ANKRD27: variants seen among roughly 807,000 people sequenced by gnomAD.
The protein encoded by ANKRD27 is ankyrin repeat domain-containing protein 27.
ANKRD27 carries 112 observed loss-of-function variants against 129.7 expected under a neutral mutation model. The observed-to-expected ratio is 0.86, with a 90% CI of 0.74 to 1.01. ANKRD27 has a LOEUF of 1.01. ANKRD27 is among the 50% of genes least tolerant of loss of function. The pLI is 0.00. For synonymous variants in ANKRD27, 516 were observed against 511.2 expected, an observed-to-expected ratio of 1.01 and a Z score of -0.13; for missense variants, 1,258 against 1,300.5, an observed-to-expected ratio of 0.97 and a Z score of 0.50.
In ANKRD27 at chr19:32,597,811, A is replaced by T; in HGVS notation, c.*334T>A. ...AGGTTTAGCACCTTTTGGGAGGAGG[A>T]GGTCAGAATGCGGTGGTGAAACCTC... On this transcript the variant is annotated 3_prime_UTR_variant, in exon 29 of 29. Transcript: ENST00000306065. The T allele has an allele frequency of 2.9e-6, 1 of 349,964 alleles. No homozygotes were observed. The highest frequency in any genetic ancestry group is 5.4e-6 in the Non-Finnish European group (1 of 184,344). The allele number at this position is 349,964 out of a possible 1,614,324, so 21.7% of individuals were successfully genotyped here.
chr19:32,643,148 C>T lies in ANKRD27; in HGVS notation c.757G>A (p.Asp253Asn). 6.2e-7 allele frequency: 1 copy of T among 1,613,928 alleles called. No homozygotes were observed. The highest frequency in any genetic ancestry group is 1.1e-5 in the South Asian group (1 of 91,072). Residue 253 changes from aspartate to asparagine, a missense_variant, in exon 9 of 29, where the codon GAT becomes AAT. By Grantham distance (23) the Asp-to-Asn change is conservative. Transcript: ENST00000306065. ...CTGAACTCCGGTTTCACACCAATAT[C>T]TTTCTGCTGAAGATCTTGAAGGCTT... is the stretch of plus-strand genomic sequence containing the variant. Reference protein sequence around the residue: ...TRSLQDLQQKDIGVKPEFSFN... With the variant: ...TRSLQDLQQKNIGVKPEFSFN...
chr19:32,658,871 ACCATT>A (rs1454775890), intron 2 of ANKRD27, 38 bp downstream of exon 2: 7 of 1,483,332 alleles, frequency 4.7e-6, no homozygotes, highest in Non-Finnish European at 5.7e-6. Context: ...CGTCTCTGGA[ACCATT>A]CATGCCTCAG....
chr19:32,659,279 C>T (rs1233749534), intron 1 of ANKRD27, among the ~76,000 whole-genome samples: 1 of 151,826 alleles, frequency 6.6e-6, no homozygotes, highest in Non-Finnish European at 1.5e-5. Context: ...CAGGGTTTTG[C>T]CATGTTGGCC....
intron 25 of ANKRD27, among the ~76,000 whole-genome samples, chr19:32,602,535 G>T (rs1971669151): frequency 6.6e-6 from 1 of 152,128 alleles, no homozygotes; most frequent in South Asian, 2.1e-4. Flanking sequence ...GAGGTGGGAG[G>T]ATTGCTTGAG....
At chr19:32,614,375 T>TTC (rs1449875308) in intron 22 of ANKRD27, among the ~76,000 whole-genome samples, 2 of 152,248 alleles carry the variant, frequency 1.3e-5, no homozygotes, top group East Asian at 3.9e-4. Flanking sequence ...GTTCTGTCTT[T>TTC]TTGAGACATT....
chr19:32,654,702 C>T (rs1301942079), intron 2 of ANKRD27, among the ~76,000 whole-genome samples: 1 of 152,114 alleles, frequency 6.6e-6, no homozygotes, highest in African/African-American at 2.4e-5. Flanking sequence ...CTATGTTGCC[C>T]AGGCTGGAGT....
chr19:32,619,307 T>C lies in ANKRD27; in HGVS notation c.1960A>G (p.Met654Val), dbSNP rs750924960. The stretch of plus-strand genomic sequence containing the variant: ...TCCTCCTGCCTTGAGCTGGCTGACA[T>C]GGAGGAGAAGCTGGAAGTGGAGGAC... ...QESSTSSFSS[M>V]SASSRQEETK... The change falls in exon 20 of 29, where the codon ATG (methionine) becomes GTG (valine). Residue 654 changes from methionine (M) to valine (V), a missense_variant. Met to Val is a conservative substitution (Grantham distance 21). Coordinates refer to ENST00000306065, the MANE Select transcript of ANKRD27 (RefSeq NM_032139.3). The C allele has an allele frequency of 7.4e-6, 12 of 1,612,674 alleles. No individual in the cohort carries two copies. Among genetic ancestry groups the C allele is most frequent in the South Asian group, 2.2e-5 (2 of 91,072 alleles).
intron 1 of ANKRD27, among the ~76,000 whole-genome samples, chr19:32,661,246 CACACAT>C (rs898610825): frequency 1.3e-4 from 19 of 147,384 alleles, no homozygotes; most frequent in East Asian, 4.4e-4. Context: ...CACACACACA[CACACAT>C]ATACTCACAC....
At position 32,597,802 on chromosome 19, in the gene ANKRD27, GGGA is replaced by G. The variant is rs1568391849; in HGVS notation, c.*340_*342del. On this transcript the variant is annotated 3_prime_UTR_variant, in exon 29 of 29. Transcript: ENST00000306065. ...AGGTCAGAGAGGTTTAGCACCTTTTGGGAGGAGGAGGTCAGAATGCGGTGGTGA... is the reference window on the plus strand; with the variant it reads ...AGGTCAGAGAGGTTTAGCACCTTTTGGGAGGAGGTCAGAATGCGGTGGTGA... The G allele has an allele frequency of 5.9e-6, 2 of 340,390 alleles. No individual in the cohort carries two copies. Among genetic ancestry groups the G allele is most frequent in the Non-Finnish European group, 1.1e-5 (2 of 178,234 alleles). 21.1% of individuals were successfully genotyped at this position (340,390 alleles called of 1,614,324 possible).
intron 12 of ANKRD27, 84 bp downstream of exon 12, chr19:32,639,272 G>A (rs780966090): frequency 3.5e-5 from 54 of 1,535,006 alleles, no homozygotes; most frequent in Admixed American, 7.4e-5. Flanking sequence ...TTAAGAATCC[G>A]TCTGCCCACA....
At chr19:32,643,735 T>C in intron 5 of ANKRD27, 104 bp from the exon 6 acceptor site, 1 of 1,118,758 alleles carries the variant, frequency 8.9e-7, no homozygotes, top group Non-Finnish European at 1.3e-6. Context: ...TAACACAAGC[T>C]TTATGAAGTC....
chr19:32,606,170 CCAGA>C (rs1425538233), intron 23 of ANKRD27, among the ~76,000 whole-genome samples: 1 of 108,732 alleles, frequency 9.2e-6, no homozygotes, highest in Non-Finnish European at 1.9e-5. Context: ...TTTTTTTTTT[CCAGA>C]CAGAGTCTCG....
intron 1 of ANKRD27, among the ~76,000 whole-genome samples, chr19:32,671,069 A>G (rs112762254): frequency 0.051 from 7,777 of 151,470 alleles, 276 homozygotes; most frequent in African/African-American, 0.092. Flanking sequence ...GCTGAGGCTG[A>G]CAGATGATTG....
chr19:32,669,256 G>A (rs530501884), intron 1 of ANKRD27, among the ~76,000 whole-genome samples: 8 of 152,254 alleles, frequency 5.3e-5, no homozygotes, highest in South Asian at 4.1e-4. Context: ...TGAGCTCTCC[G>A]CCAGTCCTCC....
intron 21 of ANKRD27, 53 bp from the exon 22 acceptor site, chr19:32,615,833 C>A: frequency 6.3e-7 from 1 of 1,587,614 alleles, no homozygotes; most frequent in South Asian, 1.2e-5. Flanking sequence ...TCTTTGCATG[C>A]ACAATATCTT....
chr19:32,654,825 G>A (rs1365709751), intron 2 of ANKRD27, among the ~76,000 whole-genome samples: 1 of 151,848 alleles, frequency 6.6e-6, no homozygotes, highest in African/African-American at 2.4e-5. Flanking sequence ...TCTGTCACCT[G>A]GGCTGGAGTG....
chr19:32,648,037 G>A (rs190819184), intron 3 of ANKRD27, among the ~76,000 whole-genome samples: 1 of 152,316 alleles, frequency 6.6e-6, no homozygotes, highest in East Asian at 1.9e-4. Flanking sequence ...AGACCAAGGT[G>A]GGTGGATCAT....
chr19:32,645,029 T>C (rs569698032), intron 4 of ANKRD27, among the ~76,000 whole-genome samples: 21 of 152,306 alleles, frequency 1.4e-4, no homozygotes, highest in African/African-American at 5.1e-4. Context: ...GCCCAGTGAC[T>C]TTAAAGTTCT....
intron 2 of ANKRD27, chr19:32,655,160 T>C (rs1967495582): frequency 6.6e-6 from 1 of 152,302 alleles, no homozygotes; most frequent in Non-Finnish European, 1.5e-5. Context: ...GGTCCCCCAT[T>C]CCTGGGAGGT....
Sources: gnomAD v4.1 joint callset for allele counts (sites outside exome capture counted in the v4.1 genomes callset) on GRCh38, gnomAD v4.1.1 for gene constraint, MANE v1.5 for transcripts, NCBI Gene and HGNC (gene_info 2026-07-23, HGNC 2026-07-21) for gene names.